GPNMB: variants seen among roughly 807,000 people sequenced by gnomAD.
The protein encoded by GPNMB is glycoprotein nmb.
In GPNMB, 71 loss-of-function variants were observed where a neutral mutation model predicts 57.3. That is an observed-to-expected ratio of 1.24 (90% CI 1.02 to 1.51). The LOEUF is 1.51. GPNMB is among the 40% of genes most tolerant of loss of function. The pLI, the probability that GPNMB is intolerant of heterozygous loss-of-function variation, is 0.00. For missense variants in GPNMB, 677 were observed against 691.9 expected (o/e 0.98, Z 0.24); for synonymous variants, 253 against 263.2 (o/e 0.96, Z 0.38).
chr7:23,246,959 A>G (rs889962744), intron 1 of GPNMB, 32 bp downstream of exon 1: 1 of 1,517,550 alleles, frequency 6.6e-7, no homozygotes, highest in Non-Finnish European at 9.2e-7. Context: ...TGTTTAACCC[A>G]TTCTCTGGCC....
chr7:23,266,431 G>A (rs1341122278), intron 6 of GPNMB, 86 bp from the exon 7 acceptor site: 1 of 1,405,274 alleles, frequency 7.1e-7, no homozygotes. Flanking sequence ...AAAGCAAATG[G>A]CAAATGTTTA....
chr7:23,248,795 A>AT (rs1782597040), intron 1 of GPNMB, among the ~76,000 whole-genome samples: 1 of 149,624 alleles, frequency 6.7e-6, no homozygotes, highest in Admixed American at 6.6e-5. Context: ...TTTTTAATCA[A>AT]TTTTTTTAGA....
chr7:23,257,687 A>G (rs940662263), intron 4 of GPNMB: 1 of 152,380 alleles, frequency 6.6e-6, no homozygotes, highest in Non-Finnish European at 1.5e-5. Flanking sequence ...ACAAACAAAC[A>G]AACAAAAAAC....
intron 7 of GPNMB, among the ~76,000 whole-genome samples, chr7:23,267,069 A>G (rs1783082180): frequency 6.6e-6 from 1 of 152,244 alleles, no homozygotes; most frequent in African/African-American, 2.4e-5. Flanking sequence ...AACAGAGAAG[A>G]CAGAGGGGAA....
intron 6 of GPNMB, among the ~76,000 whole-genome samples, chr7:23,261,582 G>T (rs1339551228): frequency 6.6e-6 from 1 of 152,074 alleles, no homozygotes; most frequent in African/African-American, 2.4e-5. Context: ...ACTGAACAAT[G>T]AGAACACTTG....
intron 6 of GPNMB, among the ~76,000 whole-genome samples, chr7:23,265,487 G>C (rs1246847389): frequency 2.0e-5 from 3 of 152,110 alleles, no homozygotes; most frequent in African/African-American, 7.2e-5. Context: ...TAGATTCTTT[G>C]CTCTAATTAT....
At chr7:23,259,066 C>T (rs1434023828) in intron 4 of GPNMB, among the ~76,000 whole-genome samples, 1 of 152,220 alleles carries the variant, frequency 6.6e-6, no homozygotes, top group Non-Finnish European at 1.5e-5. Context: ...CACCTGTTAG[C>T]TAGCAGCAGG....
rs747009853 is a variant in GPNMB, at chr7:23,254,196, G to A, written c.251G>A (p.Ser84Asn). The A allele has an allele frequency of 5.0e-6, 8 of 1,614,164 alleles. No individual in the cohort carries two copies. In the South Asian group the frequency reaches 8.8e-5, roughly 18 times the overall value. ...GGCCGTGTGCAGGCGGTCCTGACCA[G>A]TGACTCACCAGCCCTCGTGGGCTCA... ...KGGRVQAVLT[S>N]DSPALVGSNI... Residue 84 changes from serine (S) to asparagine (N), a missense_variant, in exon 3 of 11, where the codon AGT becomes AAT. Coordinates refer to ENST00000258733, the MANE Select transcript of GPNMB (RefSeq NM_002510.3).
chr7:23,253,749 T>A (rs1782712036), intron 2 of GPNMB, among the ~76,000 whole-genome samples: 1 of 152,236 alleles, frequency 6.6e-6, no homozygotes, highest in Non-Finnish European at 1.5e-5. Flanking sequence ...GGAATGATCA[T>A]CTTCAGAAAC....
chr7:23,273,453 A>T (rs1310350455), intron 9 of GPNMB, 68 bp from the exon 10 acceptor site: 8 of 962,584 alleles, frequency 8.3e-6, no homozygotes, highest in African/African-American at 1.6e-5. Context: ...CATTTATTTA[A>T]TGGCATTATA....
At position 23,253,407 on chromosome 7, in the gene GPNMB, A is replaced by T. The variant is rs770778100; in HGVS notation, c.171A>T (p.Lys57Asn). 2.5e-6 allele frequency: 4 copies of T among 1,613,782 alleles called. No homozygotes were observed. The highest frequency in any genetic ancestry group is 2.5e-6 in the Non-Finnish European group (3 of 1,179,808). The change falls in exon 2 of 11, where the codon AAA becomes AAT. Residue 57 changes from lysine to asparagine, a missense_variant. Lys to Asn is a moderately conservative substitution (Grantham distance 94). Coordinates refer to ENST00000258733, the MANE Select transcript of GPNMB (RefSeq NM_002510.3). ...CTGATGAAAATGACTGGAATGAAAA[A>T]CTCTACCCAGTGTGGAAGCGGGGAG... ...WSSDENDWNE[K>N]LYPVWKRGDM...
At chr7:23,247,057 CTCT>C (rs1220561285) in intron 1 of GPNMB, 130 bp downstream of exon 1, 22 of 729,668 alleles carry the variant, frequency 3.0e-5, no homozygotes, top group South Asian at 7.7e-5. Flanking sequence ...GCTCACTCAT[CTCT>C]TCTTCTGCAA....
chr7:23,266,429 T>G, intron 6 of GPNMB, 88 bp from the exon 7 acceptor site: 1 of 1,387,728 alleles, frequency 7.2e-7, no homozygotes, highest in Non-Finnish European at 1.0e-6. Flanking sequence ...AAAAAGCAAA[T>G]GGCAAATGTT....
In GPNMB at chr7:23,254,166, T is replaced by C; in HGVS notation, c.224-3T>C. Reference sequence around the variant, plus strand: ...CATCGAGCCCCACTTTTTTATACCCTAGGAGGCCGTGTGCAGGCGGTCCTG... The same window carrying C: ...CATCGAGCCCCACTTTTTTATACCCCAGGAGGCCGTGTGCAGGCGGTCCTG... On this transcript the variant is annotated splice_region_variant and splice_polypyrimidine_tract_variant and intron_variant, in intron 2 of 10. Coordinates refer to ENST00000258733, the MANE Select transcript of GPNMB (RefSeq NM_002510.3). 1 of 1,611,662 alleles carries C rather than the reference T, an allele frequency of 6.2e-7. No individual in the cohort carries two copies. The highest frequency in any genetic ancestry group is 8.5e-7 in the Non-Finnish European group (1 of 1,179,046).
At chr7:23,272,920 T>C (rs1003316207) in intron 9 of GPNMB, among the ~76,000 whole-genome samples, 3 of 151,308 alleles carry the variant, frequency 2.0e-5, no homozygotes, top group Non-Finnish European at 4.4e-5. Flanking sequence ...CATGGCTCAC[T>C]GCAGCCTCGA....
rs1167948758 is a variant in GPNMB at position 23,275,097 on chromosome 7, G to A, written c.*873G>A. On this transcript the variant is annotated 3_prime_UTR_variant, in exon 11 of 11. Transcript: ENST00000258733. ...CTCTCCTTCCTGAAAAATAAAGTGTGGGAAGAGACAAGACCTTGGTATTGT... is the reference window on the plus strand; with the variant it reads ...CTCTCCTTCCTGAAAAATAAAGTGTAGGAAGAGACAAGACCTTGGTATTGT... 1 of 151,738 alleles carries A rather than the reference G, an allele frequency of 6.6e-6. No individual in the cohort carries two copies. Among genetic ancestry groups the A allele is most frequent in the Non-Finnish European group, 1.5e-5 (1 of 67,948 alleles). 9.4% of individuals were successfully genotyped at this position (151,738 alleles called of 1,614,324 possible). A position where few individuals can be genotyped will look rare whatever the true frequency, so the allele number is the denominator to read the frequency against.
intron 6 of GPNMB, among the ~76,000 whole-genome samples, chr7:23,264,517 C>T (rs1325107594): frequency 6.6e-6 from 1 of 152,046 alleles, no homozygotes; most frequent in Non-Finnish European, 1.5e-5. Context: ...GCACTACAGG[C>T]ATGTGAACCA....
At chr7:23,247,476 A>T (rs1782558592) in intron 1 of GPNMB, 1 of 159,980 alleles carries the variant, frequency 6.3e-6, no homozygotes, top group African/African-American at 2.4e-5. Context: ...CATTTTTAAC[A>T]ATACTGATAC....
At chr7:23,271,319 G>A (rs764061336) in intron 9 of GPNMB, among the ~76,000 whole-genome samples, 14 of 152,276 alleles carry the variant, frequency 9.2e-5, no homozygotes, top group Non-Finnish European at 1.6e-4. Context: ...ACTGGCCATC[G>A]GTCTGGGGGT....
Sources: allele counts gnomAD v4.1 joint callset (sites outside exome capture counted in the v4.1 genomes callset), GRCh38; gene constraint gnomAD v4.1.1; transcripts MANE v1.5; gene names NCBI Gene and HGNC (gene_info 2026-07-23, HGNC 2026-07-21).